Variants in RELN observed in about 807,000 individuals in gnomAD.
The protein encoded by RELN is reelin.
Under a neutral mutation model 427.6 loss-of-function variants are expected in RELN, and 108 were observed. The observed-to-expected ratio is 0.25, with a 90% CI of 0.22 to 0.30. RELN has a LOEUF of 0.30. RELN is among the 10% of genes least tolerant of loss of function. RELN has a pLI of 1.00. For missense variants in RELN, 3,715 were observed against 4,302.8 expected (o/e 0.86, Z 3.82); for synonymous variants, 1,524 against 1,513.4 (o/e 1.01, Z -0.16).
At chr7:103,714,183 C>A (rs898794156) in intron 8 of RELN, among the ~76,000 whole-genome samples, 4 of 152,112 alleles carry the variant, frequency 2.6e-5, no homozygotes, top group African/African-American at 9.7e-5. Flanking sequence ...TGTATCTGAG[C>A]ATTTTATTTA....
rs949728972 is a variant in RELN at position 103,916,925 on chromosome 7, C to T, written c.337+150G>A. ...ACATGACTTATTTCAATTCACCCAA[C>T]ATCAAGCAAACACACACAAAAACAA... is the stretch of plus-strand genomic sequence containing the variant. On this transcript the variant is annotated intron_variant, in intron 2 of 64. Transcript: ENST00000428762. The T allele has an allele frequency of 7.7e-5, 54 of 698,882 alleles. No homozygotes were observed. In the African/African-American group the frequency reaches 9.1e-4, roughly 12 times the overall value. 43.3% of individuals were successfully genotyped at this position (698,882 alleles called of 1,614,324 possible).
intron 6 of RELN, among the ~76,000 whole-genome samples, chr7:103,732,375 G>C (rs2115958238): frequency 6.6e-6 from 1 of 152,118 alleles, no homozygotes; most frequent in South Asian, 2.1e-4. Context: ...CATAATTATT[G>C]GTGGTGGGGT....
intron 1 of RELN, among the ~76,000 whole-genome samples, chr7:103,925,162 C>A (rs2116693090): frequency 6.6e-6 from 1 of 152,108 alleles, no homozygotes; most frequent in South Asian, 2.1e-4. Flanking sequence ...AGGTCCTGAA[C>A]AATATTTTTG....
intron 3 of RELN, among the ~76,000 whole-genome samples, chr7:103,812,124 G>A (rs1413391757): frequency 6.7e-6 from 1 of 149,462 alleles, no homozygotes; most frequent in Non-Finnish European, 1.5e-5. Context: ...TAACCGAGAC[G>A]ACTTTCACTT....
chr7:103,901,260 G>A (rs1795079389), intron 2 of RELN, among the ~76,000 whole-genome samples: 1 of 152,002 alleles, frequency 6.6e-6, no homozygotes, highest in East Asian at 1.9e-4. Context: ...AAAAGCAAAT[G>A]TTGGGAAGGA....
chr7:103,528,525 G>A (rs920677543), intron 46 of RELN, among the ~76,000 whole-genome samples: 4 of 149,598 alleles, frequency 2.7e-5, no homozygotes, highest in African/African-American at 9.8e-5. Context: ...ACATTGAATT[G>A]TACACTTTAT....
intron 50 of RELN, chr7:103,513,641 C>G (rs2117071867): frequency 6.6e-6 from 1 of 151,814 alleles, no homozygotes; most frequent in Admixed American, 6.6e-5. Context: ...TACGTTATGC[C>G]ACATGATATA....
At chr7:103,601,449 T>C in intron 24 of RELN, among the ~76,000 whole-genome samples, 1 of 152,212 alleles carries the variant, frequency 6.6e-6, no homozygotes, top group Non-Finnish European at 1.5e-5. Context: ...TATTTTTGTA[T>C]TTGCATAAAT....
At chr7:103,855,866 A>G (rs932676615) in intron 2 of RELN, among the ~76,000 whole-genome samples, 1 of 152,188 alleles carries the variant, frequency 6.6e-6, no homozygotes, top group African/African-American at 2.4e-5. Flanking sequence ...CTACTCCAGT[A>G]TAACCTCATC....
chr7:103,798,219 C>T (rs1299181202), intron 3 of RELN, among the ~76,000 whole-genome samples: 1 of 152,130 alleles, frequency 6.6e-6, no homozygotes, highest in Non-Finnish European at 1.5e-5. Context: ...CTTCTGATAG[C>T]AATTTGAAAA....
chr7:103,665,411 T>A (rs1377616364), intron 11 of RELN, among the ~76,000 whole-genome samples: 1 of 151,756 alleles, frequency 6.6e-6, no homozygotes, highest in Non-Finnish European at 1.5e-5. Flanking sequence ...TAGCTCTTGA[T>A]AGCTGAGCTC....
At chr7:103,599,248 C>CT (rs577756215) in intron 24 of RELN, among the ~76,000 whole-genome samples, 14 of 151,356 alleles carry the variant, frequency 9.2e-5, no homozygotes, top group East Asian at 5.8e-4. Context: ...AATTGTCTTT[C>CT]TTTTTTTTTC....
intron 4 of RELN, among the ~76,000 whole-genome samples, chr7:103,754,148 G>A (rs1218696887): frequency 6.6e-6 from 1 of 151,602 alleles, no homozygotes; most frequent in Non-Finnish European, 1.5e-5. Context: ...TAAGTGTAAA[G>A]TACATACTAG....
At chr7:103,674,585 G>A (rs544988524) in intron 11 of RELN, among the ~76,000 whole-genome samples, 18 of 152,160 alleles carry the variant, frequency 1.2e-4, no homozygotes, top group South Asian at 8.3e-4. Context: ...CCTCATGTCC[G>A]CATTCATTGC....
Position 103,917,109 on chromosome 7 carries a change from T to C in RELN, c.303A>G (p.Ser101=), listed in dbSNP as rs1192144956. Residue 101 remains serine (S), a synonymous_variant, in exon 2 of 65, where the codon TCA becomes TCG. Coordinates refer to ENST00000428762, the MANE Select transcript of RELN (RefSeq NM_005045.4). Reference sequence around the variant, plus strand: ...AAGCACTGGAACCTCCAATGCTCTGTGATGCCTGAACACTTGTAGATGTGT... The same window carrying C: ...AAGCACTGGAACCTCCAATGCTCTGCGATGCCTGAACACTTGTAGATGTGT... The part of the protein sequence containing the change: ...GLYTSTSVQA[S]QSIGGSSAFG... 2 of 1,613,602 alleles carry C rather than the reference T, an allele frequency of 1.2e-6. No homozygotes were observed. The highest frequency in any genetic ancestry group is 1.7e-5 in the Admixed American group (1 of 59,930).
At chr7:103,885,763 CATA>C (rs1794713701) in intron 2 of RELN, among the ~76,000 whole-genome samples, 1 of 152,124 alleles carries the variant, frequency 6.6e-6, no homozygotes, top group African/African-American at 2.4e-5. Context: ...CCTGCTCCAT[CATA>C]GTTCACACTC....
Position 103,926,170 on chromosome 7 carries a change from G to A in RELN, c.227-8985C>T, listed in dbSNP as rs548988346. Reference sequence around the variant, plus strand: ...GGCTGGAGTGCAGTGGCACAATCTTGGCTCACTGCAACCTCTGCCTCCTCA... The same window carrying A: ...GGCTGGAGTGCAGTGGCACAATCTTAGCTCACTGCAACCTCTGCCTCCTCA... On this transcript the variant is annotated intron_variant, in intron 1 of 64. Coordinates refer to ENST00000428762, the MANE Select transcript of RELN (RefSeq NM_005045.4). Among the ~76,000 whole-genome samples the A allele has an allele frequency of 2.6e-3, 324 of 124,634 alleles. 2 individuals are homozygous for A. The highest frequency in any genetic ancestry group is 9.7e-3 in the African/African-American group (308 of 31,670). The allele number at this position is 124,634 out of a possible 152,430, so 81.8% of individuals were successfully genotyped here.
At chr7:103,760,779 A>C (rs1791279866) in intron 4 of RELN, among the ~76,000 whole-genome samples, 1 of 152,192 alleles carries the variant, frequency 6.6e-6, no homozygotes, top group African/African-American at 2.4e-5. Flanking sequence ...GTATCTCTTC[A>C]CCTAATTTGA....
chr7:103,978,870 C>T (rs1298833909), intron 1 of RELN, among the ~76,000 whole-genome samples: 2 of 152,196 alleles, frequency 1.3e-5, no homozygotes, highest in Admixed American at 6.5e-5. Flanking sequence ...GGTGAAATCA[C>T]GTTAGTCTCA....
Sources: gnomAD v4.1 joint callset for allele counts (sites outside exome capture counted in the v4.1 genomes callset) on GRCh38, gnomAD v4.1.1 for gene constraint, MANE v1.5 for transcripts, NCBI Gene and HGNC (gene_info 2026-07-23, HGNC 2026-07-21) for gene names.